Variants in BLTP1 observed in about 807,000 individuals in gnomAD.
BLTP1 encodes the protein fragile site-associated protein.
At chr4:122,199,066 G>T in the BLTP1 span, among the ~76,000 whole-genome samples, 1 of 152,154 alleles carries the variant, frequency 6.6e-6, no homozygotes, top group African/African-American at 2.4e-5. Flanking sequence ...AAAAGTAGTT[G>T]TGTTCTGTAA....
the BLTP1 span, among the ~76,000 whole-genome samples, chr4:122,283,652 A>G: frequency 6.6e-6 from 1 of 152,152 alleles, no homozygotes; most frequent in African/African-American, 2.4e-5. Context: ...GACTATAGGC[A>G]TGCACCACCA....
the BLTP1 span, among the ~76,000 whole-genome samples, chr4:122,297,450 T>C: frequency 6.6e-6 from 1 of 152,106 alleles, no homozygotes; most frequent in Non-Finnish European, 1.5e-5. Flanking sequence ...TTTCACATTG[T>C]TGGTGGGAGC....
At chr4:122,287,765 A>T in the BLTP1 span, 5 of 932,454 alleles carry the variant, frequency 5.4e-6, no homozygotes, top group Non-Finnish European at 6.4e-6. Flanking sequence ...ATTTCTGTGT[A>T]TGAAAAACAA....
At chr4:122,338,304 CA>C in the BLTP1 span, among the ~76,000 whole-genome samples, 2 of 148,434 alleles carry the variant, frequency 1.3e-5, no homozygotes, top group Admixed American at 6.7e-5. Flanking sequence ...CCATCTCTAC[CA>C]AAAAAAAATA....
chr4:122,240,424 A>C, the BLTP1 span: 1 of 1,311,312 alleles, frequency 7.6e-7, no homozygotes, highest in Non-Finnish European at 1.1e-6. Flanking sequence ...AGTTATTTTC[A>C]TAATTACTCT....
the BLTP1 span, among the ~76,000 whole-genome samples, chr4:122,315,889 C>T: frequency 2.0e-5 from 3 of 152,090 alleles, no homozygotes; most frequent in African/African-American, 7.2e-5. Context: ...CCAACTTGTG[C>T]TTTAACCTAT....
the BLTP1 span, chr4:122,250,605 T>A: frequency 6.3e-7 from 1 of 1,591,142 alleles, no homozygotes; most frequent in Non-Finnish European, 8.6e-7. Flanking sequence ...ATAATAATGG[T>A]GCTTTAGAAA....
the BLTP1 span, chr4:122,264,546 C>T: frequency 8.5e-6 from 7 of 822,000 alleles, no homozygotes; most frequent in Non-Finnish European, 1.2e-5. Context: ...ACCTATCTGC[C>T]TACAGCCTTC....
chr4:122,325,111 C>A, the BLTP1 span: 3 of 1,019,392 alleles, frequency 2.9e-6, no homozygotes, highest in Non-Finnish European at 4.1e-6. Flanking sequence ...AAAGTTCAAT[C>A]CTTTGATTAG....
At chr4:122,341,874 G>A in the BLTP1 span, 1 of 944,052 alleles carries the variant, frequency 1.1e-6, no homozygotes. Context: ...GTATGGGTTA[G>A]CGAAGCAGAG....
chr4:122,356,624 C>A, the BLTP1 span: 1 of 1,609,722 alleles, frequency 6.2e-7, no homozygotes, highest in African/African-American at 1.3e-5. Flanking sequence ...ATTGCAGATG[C>A]CAGCCTGAAG....
the BLTP1 span, among the ~76,000 whole-genome samples, chr4:122,216,085 G>GTCTATCTATCTA: frequency 4.7e-4 from 68 of 144,510 alleles, no homozygotes; most frequent in Middle Eastern, 7.1e-3. Flanking sequence ...ATCTTTGTCT[G>GTCTATCTATCTA]TCTATCTATC....
At chr4:122,190,092 TTGTTGTTGC>T in the BLTP1 span, 2 of 1,612,112 alleles carry the variant, frequency 1.2e-6, no homozygotes, top group Non-Finnish European at 1.7e-6. Flanking sequence ...ATTGTTGTTG[TTGTTGTTGC>T]TGTTTTTTTT....
chr4:122,301,349 T>C, the BLTP1 span: 2 of 1,604,356 alleles, frequency 1.2e-6, no homozygotes, highest in Non-Finnish European at 8.5e-7. Context: ...GAACAGCAGA[T>C]GGAGATAAAC....
At chr4:122,164,468 A>G in the BLTP1 span, 2 of 960,374 alleles carry the variant, frequency 2.1e-6, no homozygotes, top group East Asian at 1.1e-4. Context: ...GATTCAAGCT[A>G]TATGCATCTT....
the BLTP1 span, chr4:122,182,907 C>T: frequency 1.0e-6 from 1 of 984,916 alleles, no homozygotes; most frequent in African/African-American, 1.7e-5. Flanking sequence ...AGATTTTTAT[C>T]AAAAACCACC....
At chr4:122,227,137 T>C in the BLTP1 span, 1 of 913,634 alleles carries the variant, frequency 1.1e-6, no homozygotes, top group Non-Finnish European at 1.3e-6. Context: ...TATGGCTATA[T>C]ATTTATGTAG....
the BLTP1 span, chr4:122,179,884 C>T: frequency 2.0e-6 from 2 of 985,160 alleles, no homozygotes; most frequent in East Asian, 1.1e-4. Flanking sequence ...TCCTCCCTGC[C>T]CCCCACATAC....
the BLTP1 span, chr4:122,264,290 G>C: frequency 6.2e-7 from 1 of 1,609,434 alleles, no homozygotes. Flanking sequence ...CTCAGCCTCA[G>C]ATTTCAACAC....
Sources: gnomAD v4.1 joint callset for allele counts (sites outside exome capture counted in the v4.1 genomes callset) on GRCh38, gnomAD v4.1.1 for gene constraint, MANE v1.5 for transcripts, NCBI Gene and HGNC (gene_info 2026-07-23, HGNC 2026-07-21) for gene names.